NAV2: variants seen among roughly 807,000 people sequenced by gnomAD.
NAV2 encodes the protein neuron navigator 2, also known as helicase, APC down-regulated 1.
NAV2 carries 54 observed loss-of-function variants against 223.2 expected under a neutral mutation model. The ratio of observed to expected loss-of-function variants is 0.24; its 90% confidence interval spans 0.19 to 0.30. The LOEUF is 0.30. NAV2 is among the 10% of genes least tolerant of loss of function. The pLI is 1.00. For synonymous variants in NAV2, 1,279 were observed against 1,239.3 expected, an observed-to-expected ratio of 1.03 and a Z score of -0.67; for missense variants, 2,806 against 3,147.5, an observed-to-expected ratio of 0.89 and a Z score of 2.60.
intron 1 of NAV2, among the ~76,000 whole-genome samples, chr11:19,406,102 A>C (rs1849883657): frequency 1.3e-5 from 2 of 152,184 alleles, no homozygotes; most frequent in Admixed American, 6.5e-5. Flanking sequence ...GGTGAAACGT[A>C]TTGTCTACTT....
intron 1 of NAV2, among the ~76,000 whole-genome samples, chr11:19,372,830 A>G (rs113282335): frequency 1.3e-5 from 2 of 152,210 alleles, no homozygotes; most frequent in Non-Finnish European, 2.9e-5. Flanking sequence ...CATTTGGCCA[A>G]TTGGGCTGTT....
intron 6 of NAV2, among the ~76,000 whole-genome samples, chr11:19,901,771 T>C (rs758711461): frequency 3.1e-4 from 47 of 152,190 alleles, no homozygotes; most frequent in Non-Finnish European, 5.4e-4. Flanking sequence ...CTTGCATAGG[T>C]CTTATTTTCT....
intron 1 of NAV2, among the ~76,000 whole-genome samples, chr11:19,614,599 C>T (rs115674024): frequency 1.9e-4 from 29 of 152,278 alleles, no homozygotes; most frequent in African/African-American, 7.0e-4. Context: ...GGTTATCACC[C>T]AATGTCCATA....
chr11:19,513,812 C>A, intron 1 of NAV2, among the ~76,000 whole-genome samples: 1 of 152,174 alleles, frequency 6.6e-6, no homozygotes. Flanking sequence ...GAGAGAGACA[C>A]ACATGGGATG....
intron 12 of NAV2, among the ~76,000 whole-genome samples, chr11:20,040,769 G>C (rs998008043): frequency 6.6e-6 from 1 of 152,228 alleles, no homozygotes; most frequent in Non-Finnish European, 1.5e-5. Context: ...GGAGGGGAAG[G>C]CAGGATAGAA....
At chr11:20,014,963 G>A (rs1045998740) in intron 11 of NAV2, among the ~76,000 whole-genome samples, 1 of 151,692 alleles carries the variant, frequency 6.6e-6, no homozygotes, top group Non-Finnish European at 1.5e-5. Context: ...AGGCATGATG[G>A]CACATGCCAG....
At chr11:19,934,576 G>A (rs2045675640) in intron 7 of NAV2, among the ~76,000 whole-genome samples, 1 of 152,202 alleles carries the variant, frequency 6.6e-6, no homozygotes, top group Non-Finnish European at 1.5e-5. Flanking sequence ...GCTTCCCTGA[G>A]CAGAAAGCAT....
intron 34 of NAV2, chr11:20,105,096 T>C (rs2061929440): frequency 6.5e-6 from 1 of 154,554 alleles, no homozygotes. Context: ...CACCAGACTG[T>C]GAGCTCCTGG....
At chr11:19,672,708 G>A (rs985248436) in intron 1 of NAV2, among the ~76,000 whole-genome samples, 11 of 152,218 alleles carry the variant, frequency 7.2e-5, no homozygotes, top group East Asian at 1.9e-4. Context: ...AAGAGATGAC[G>A]CAAGCTGGCA....
At chr11:19,814,630 T>G (rs886640522) in intron 1 of NAV2, among the ~76,000 whole-genome samples, 2 of 152,136 alleles carry the variant, frequency 1.3e-5, no homozygotes, top group Non-Finnish European at 1.5e-5. Flanking sequence ...ATGGCCACTT[T>G]TTTGTTTGTT....
chr11:19,441,562 C>T (rs117910887), intron 1 of NAV2, among the ~76,000 whole-genome samples: 57 of 152,244 alleles, frequency 3.7e-4, no homozygotes, highest in African/African-American at 9.1e-4. Context: ...AGTCATTGCA[C>T]GTCATTTCTT....
intron 1 of NAV2, among the ~76,000 whole-genome samples, chr11:19,527,973 A>ACACACACACACACACACACACACACAT (rs2043897505): frequency 8.9e-6 from 1 of 112,096 alleles, no homozygotes; most frequent in African/African-American, 4.5e-5. Context: ...CACACACACA[A>ACACACACACACACACACACACACACAT]TCCTGGGAAT....
chr11:19,888,702 A>G (rs1254074350), intron 5 of NAV2, among the ~76,000 whole-genome samples: 1 of 150,868 alleles, frequency 6.6e-6, no homozygotes, highest in Non-Finnish European at 1.5e-5. Context: ...GTTTCCTCCC[A>G]CTCTGTCCCC....
chr11:19,466,338 C>G (rs1235887413), intron 1 of NAV2, among the ~76,000 whole-genome samples: 1 of 152,188 alleles, frequency 6.6e-6, no homozygotes, highest in African/African-American at 2.4e-5. Flanking sequence ...CCCAATCGTG[C>G]CTGTCCCTGA....
intron 4 of NAV2, among the ~76,000 whole-genome samples, chr11:19,872,941 G>T (rs924103544): frequency 2.0e-5 from 3 of 152,128 alleles, no homozygotes; most frequent in Non-Finnish European, 4.4e-5. Context: ...GCCTCCCTTT[G>T]CCCTGGGGTG....
intron 10 of NAV2, among the ~76,000 whole-genome samples, chr11:19,968,984 G>A (rs2049000381): frequency 6.6e-6 from 1 of 152,100 alleles, no homozygotes; most frequent in Admixed American, 6.5e-5. Flanking sequence ...GCTTCTGAGT[G>A]TCTCATGCCC....
chr11:19,555,002 C>T (rs1466326898), intron 1 of NAV2, among the ~76,000 whole-genome samples: 1 of 65,942 alleles, frequency 1.5e-5, no homozygotes, highest in Non-Finnish European at 2.9e-5. Flanking sequence ...CTCATACATA[C>T]CATGTTTTGC....
chr11:19,573,506 G>A (rs971858715), intron 1 of NAV2, among the ~76,000 whole-genome samples: 1 of 152,130 alleles, frequency 6.6e-6, no homozygotes, highest in African/African-American at 2.4e-5. Context: ...ATTTCCTGGC[G>A]GGTTCTGATT....
chr11:19,749,095 C>T (rs1216127375), intron 1 of NAV2, among the ~76,000 whole-genome samples: 1 of 152,190 alleles, frequency 6.6e-6, no homozygotes, highest in African/African-American at 2.4e-5. Flanking sequence ...CAAATGGACT[C>T]TTATTTTTAG....
Sources: gnomAD v4.1 joint callset for allele counts (sites outside exome capture counted in the v4.1 genomes callset) on GRCh38, gnomAD v4.1.1 for gene constraint, MANE v1.5 for transcripts, NCBI Gene and HGNC (gene_info 2026-07-23, HGNC 2026-07-21) for gene names.